PCDH15: variants seen among roughly 807,000 people sequenced by gnomAD.
PCDH15 encodes protocadherin-15.
In PCDH15, 129 loss-of-function variants were observed where a neutral mutation model predicts 178.5. The ratio of observed to expected loss-of-function variants is 0.72; its 90% CI spans 0.63 to 0.84. PCDH15 has a LOEUF of 0.84. Ranked by LOEUF, PCDH15 falls within the 40% of genes least tolerant of loss-of-function variation. The pLI, the probability that PCDH15 is intolerant of heterozygous loss-of-function variation, is 0.00. For missense variants in PCDH15, 2,230 were observed against 2,099.9 expected (o/e 1.06, Z -1.21); for synonymous variants, 800 against 732.0 (o/e 1.09, Z -1.50).
rs572150927 is a variant in PCDH15, at chr10:54,857,987, C to T, written c.-29+39463G>A. 1.2e-4 allele frequency among the ~76,000 whole-genome samples: 18 copies of T among 144,440 alleles called. No homozygotes were observed. The South Asian group carries it at 3.0e-3, about 24-fold the overall frequency. The allele number at this position is 144,440 out of a possible 152,430, so 94.8% of individuals were successfully genotyped here. A position where few individuals can be genotyped will look rare whatever the true frequency, so the allele number is the denominator to read the frequency against. On this transcript the variant is annotated intron_variant, in intron 3 of 5. Coordinates refer to the PCDH15 transcript ENST00000458638. Reference sequence around the variant, plus strand: ...TTCTCAGCAATTTCGAAATGTACAACGCATTATTACTAACTAGGGTTATGT... The same window carrying T: ...TTCTCAGCAATTTCGAAATGTACAATGCATTATTACTAACTAGGGTTATGT...
At chr10:55,510,481 TA>T (rs34968666) in intron 2 of PCDH15, among the ~76,000 whole-genome samples, 2 of 151,732 alleles carry the variant, frequency 1.3e-5, no homozygotes, top group Non-Finnish European at 2.9e-5. Context: ...CTTTATTGTT[TA>T]AAAAAAAGTT....
intron 1 of PCDH15, among the ~76,000 whole-genome samples, chr10:54,720,716 C>T (rs1443489640): frequency 6.6e-6 from 1 of 151,944 alleles, no homozygotes; most frequent in Non-Finnish European, 1.5e-5. Flanking sequence ...TATGTGCATC[C>T]AACACCAGAA....
At chr10:55,407,211 G>A (rs1002737127) in intron 2 of PCDH15, among the ~76,000 whole-genome samples, 1 of 152,200 alleles carries the variant, frequency 6.6e-6, no homozygotes, top group East Asian at 1.9e-4. Context: ...TTGGTCGAGG[G>A]AATACCTCCT....
chr10:53,861,508 CT>C, intron 27 of PCDH15, among the ~76,000 whole-genome samples: 1 of 152,008 alleles, frequency 6.6e-6, no homozygotes, highest in Non-Finnish European at 1.5e-5. Flanking sequence ...CCTCTATACT[CT>C]CATAAATTTT....
At chr10:55,406,620 T>C (rs1838203164) in intron 2 of PCDH15, among the ~76,000 whole-genome samples, 1 of 152,074 alleles carries the variant, frequency 6.6e-6, no homozygotes, top group South Asian at 2.1e-4. Flanking sequence ...ACCAGGGCAA[T>C]GTTAAATTTG....
chr10:54,317,171 G>T, intron 8 of PCDH15, 100 bp downstream of exon 8: 1 of 1,294,556 alleles, frequency 7.7e-7, no homozygotes, highest in Non-Finnish European at 1.1e-6. Context: ...CATATACTGA[G>T]TTTTGCTATT....
intron 11 of PCDH15, among the ~76,000 whole-genome samples, chr10:54,188,873 C>A (rs937541441): frequency 2.6e-5 from 4 of 151,756 alleles, no homozygotes; most frequent in African/African-American, 9.7e-5. Context: ...TATATGTATG[C>A]ATATACAAGA....
chr10:53,891,805 A>T (rs1169357336), intron 26 of PCDH15, among the ~76,000 whole-genome samples: 2 of 151,620 alleles, frequency 1.3e-5, no homozygotes, highest in African/African-American at 4.8e-5. Context: ...ATAAAAAAAA[A>T]AAAAAAATAC....
chr10:54,935,902 C>T (rs1330452327), intron 2 of PCDH15, among the ~76,000 whole-genome samples: 1 of 152,212 alleles, frequency 6.6e-6, no homozygotes, highest in Admixed American at 6.5e-5. Flanking sequence ...ATATAACTCA[C>T]TATACAACTA....
chr10:55,340,581 T>C (rs1173766553), intron 2 of PCDH15, among the ~76,000 whole-genome samples: 1 of 152,084 alleles, frequency 6.6e-6, no homozygotes, highest in Non-Finnish European at 1.5e-5. Flanking sequence ...CAATATAATA[T>C]ATTCGTGTAC....
At chr10:54,719,347 G>C (rs983295800) in intron 1 of PCDH15, among the ~76,000 whole-genome samples, 85 of 151,998 alleles carry the variant, frequency 5.6e-4, no homozygotes, top group African/African-American at 1.9e-3. Context: ...ACTTAACAAA[G>C]CCTTTGAGAA....
At chr10:53,950,687 T>C (rs2086950981) in intron 23 of PCDH15, among the ~76,000 whole-genome samples, 1 of 152,210 alleles carries the variant, frequency 6.6e-6, no homozygotes, top group East Asian at 1.9e-4. Flanking sequence ...GAAGGTCAAA[T>C]GTCATTCTCA....
chr10:55,568,332 G>A (rs1013386731), intron 2 of PCDH15, among the ~76,000 whole-genome samples: 9 of 151,852 alleles, frequency 5.9e-5, no homozygotes, highest in African/African-American at 1.5e-4. Flanking sequence ...TCTATTATTC[G>A]ACTTATATGA....
chr10:54,558,456 C>G (rs1331107863), intron 2 of PCDH15, among the ~76,000 whole-genome samples: 1 of 152,048 alleles, frequency 6.6e-6, no homozygotes, highest in Non-Finnish European at 1.5e-5. Flanking sequence ...ATTACTATAT[C>G]ATAAACTCTG....
At chr10:55,025,161 G>T (rs1840445705) in intron 2 of PCDH15, among the ~76,000 whole-genome samples, 1 of 152,060 alleles carries the variant, frequency 6.6e-6, no homozygotes, top group South Asian at 2.1e-4. Context: ...ATGCATGTGT[G>T]TGTGACTGTA....
upstream of PCDH15, among the ~76,000 whole-genome samples, chr10:55,323,012 G>A (rs1399298901): frequency 1.3e-5 from 2 of 152,110 alleles, no homozygotes; most frequent in East Asian, 3.9e-4. Context: ...AAGTCGCCCT[G>A]TGTCCCAGCT....
At chr10:54,094,824 G>A (rs2094670125) in intron 15 of PCDH15, among the ~76,000 whole-genome samples, 1 of 151,996 alleles carries the variant, frequency 6.6e-6, no homozygotes, top group African/African-American at 2.4e-5. Flanking sequence ...ACTCTTTCCA[G>A]TCCACTCAAC....
intron 15 of PCDH15, among the ~76,000 whole-genome samples, chr10:54,092,121 A>T (rs1445082610): frequency 6.6e-6 from 1 of 152,170 alleles, no homozygotes; most frequent in Non-Finnish European, 1.5e-5. Flanking sequence ...TCATCATCTC[A>T]GTAAGTACCT....
Position 54,688,089 on chromosome 10 carries a change from AAATTATT to A in PCDH15, c.-28-23806_-28-23800del, listed in dbSNP as rs1591061967. ...TTAAAAAAGTCTTCACTAGCATTAA[AAATTATT>A]AATTATAAATTTATTACAGAGCTGT... On this transcript the variant is annotated intron_variant, in intron 1 of 37. Coordinates refer to ENST00000644397, the MANE Select transcript of PCDH15 (RefSeq NM_001384140.1). 1.1e-4 allele frequency among the ~76,000 whole-genome samples: 16 copies of A among 152,310 alleles called. No homozygotes were observed. In the South Asian group the frequency reaches 3.3e-3, roughly 32 times the overall value.
Sources: allele counts gnomAD v4.1 joint callset (sites outside exome capture counted in the v4.1 genomes callset), GRCh38; gene constraint gnomAD v4.1.1; transcripts MANE v1.5; gene names NCBI Gene and HGNC (gene_info 2026-07-23, HGNC 2026-07-21).